The following NCAPG2 variants were observed in gnomAD, a reference collection of about 807,000 sequenced individuals.
NCAPG2 encodes condensin-2 complex subunit G2.
In NCAPG2, 53 loss-of-function variants were observed where a neutral mutation model predicts 141.1. That is an observed-to-expected ratio of 0.38 (90% confidence interval 0.30 to 0.47). The LOEUF (loss-of-function observed/expected upper bound fraction) is 0.47, where lower values mean the gene tolerates loss of function less well. Ranked by LOEUF, NCAPG2 falls within the 20% of genes least tolerant of loss-of-function variation. The pLI is 0.99. For synonymous variants in NCAPG2, 499 were observed against 490.7 expected (o/e 1.02, Z -0.22); for missense variants, 1,087 against 1,389.0 (o/e 0.78, Z 3.46).
chr7:158,680,834 G>C lies in NCAPG2; in HGVS notation c.925-18C>G. ...CTCAGAACCTAAGGACCAAAAAAAG[G>C]AAAAGGAAGGCATTAACAAAAAAAT... On this transcript the variant is annotated intron_variant, in intron 9 of 27. Transcript: ENST00000356309. 6.6e-7 allele frequency: 1 copy of C among 1,521,048 alleles called. No homozygotes were observed. The highest frequency in any genetic ancestry group is 8.9e-7 in the Non-Finnish European group (1 of 1,119,520). 94.2% of individuals were successfully genotyped at this position (1,521,048 alleles called of 1,614,324 possible). A position where few individuals can be genotyped will look rare whatever the true frequency, so the allele number is the denominator to read the frequency against.
intron 12 of NCAPG2, 79 bp downstream of exon 12, chr7:158,675,398 T>G: frequency 7.5e-7 from 1 of 1,327,040 alleles, no homozygotes; most frequent in Non-Finnish European, 1.0e-6. Flanking sequence ...ACAGGTATTA[T>G]TTTAATCTTT....
In NCAPG2 at chr7:158,672,491, C is replaced by T. The variant is rs186257286; in HGVS notation, c.1327-825G>A. 4.8e-3 allele frequency among the ~76,000 whole-genome samples: 725 copies of T among 150,682 alleles called. 43 individuals carry two copies. The East Asian group carries it at 0.11, about 24-fold the overall frequency. On this transcript the variant is annotated intron_variant, in intron 12 of 27. Transcript: ENST00000356309. Reference sequence around the variant, plus strand: ...CCAAGTAGCTGAGACTACAGGCGCCCGCCACCACGCCTGGCTAATTTTTGT... The same window carrying T: ...CCAAGTAGCTGAGACTACAGGCGCCTGCCACCACGCCTGGCTAATTTTTGT...
In NCAPG2 at chr7:158,652,412, G is replaced by C. The variant is rs566969254; in HGVS notation, c.2815C>G (p.Gln939Glu). The change falls in exon 23 of 28, where the codon CAG becomes GAG. Residue 939 changes from glutamine (Q) to glutamate (E), a missense_variant. Physicochemically the swap from Gln to Glu is conservative, Grantham distance 29 (BLOSUM62 2). Coordinates refer to ENST00000356309, the MANE Select transcript of NCAPG2 (RefSeq NM_017760.7). ...ACTTCTTCATCTGAATCTGTTTTCT[G>C]AATCAAGGAACTTCCAGTTATCTCT... ...LKEITGSSLIQKTDSDEEVAM... is the reference protein window; with the variant it reads ...LKEITGSSLIEKTDSDEEVAM... 2.9e-4 allele frequency: 471 copies of C among 1,613,430 alleles called. 4 individuals are homozygous for C. The South Asian group carries it at 4.8e-3, about 16-fold the overall frequency.
intron 4 of NCAPG2, 92 bp downstream of exon 4, chr7:158,692,749 AT>A: frequency 3.2e-6 from 3 of 927,030 alleles, no homozygotes; most frequent in South Asian, 1.5e-5. Context: ...CTCAAAAAAA[AT>A]AAATAAATGA....
At chr7:158,659,222 G>T (rs1168589125) in intron 16 of NCAPG2, among the ~76,000 whole-genome samples, 1 of 150,708 alleles carries the variant, frequency 6.6e-6, no homozygotes, top group East Asian at 2.0e-4. Flanking sequence ...CCAACTACTC[G>T]GAAGGCTGGG....
intron 11 of NCAPG2, among the ~76,000 whole-genome samples, chr7:158,679,160 T>C (rs76587633): frequency 0.071 from 10,753 of 152,306 alleles, 545 homozygotes; most frequent in Middle Eastern, 0.15. Context: ...AGGCCTATTA[T>C]ACTATTACTT....
intron 24 of NCAPG2, among the ~76,000 whole-genome samples, chr7:158,648,617 GACAACCACGCCAAATGGACC>G (rs1563504377): frequency 5.9e-5 from 2 of 34,068 alleles, no homozygotes; most frequent in African/African-American, 2.3e-4. Flanking sequence ...CCAAATGGAC[GACAACCACGCCAAATGGACC>G]ACAACCACGC....
In NCAPG2 at chr7:158,652,289, G is replaced by A; in HGVS notation, c.2934+4C>T. 13 of 1,612,184 alleles carry A rather than the reference G, an allele frequency of 8.1e-6. No individual in the cohort carries two copies. Among genetic ancestry groups the A allele is most frequent in the Non-Finnish European group, 1.1e-5 (13 of 1,179,606 alleles). ...CGAACCCCGTCCTGGGGAGTTCTGA[G>A]TACCCGCAGGCCTTCTTCCGGCTGC... On this transcript the variant is annotated splice_donor_region_variant and intron_variant, in intron 23 of 27. Transcript: ENST00000356309.
rs180681062 is a variant in NCAPG2 at position 158,637,137 on chromosome 7, C to T, written c.3381-5420G>A. Reference sequence around the variant, plus strand: ...TAATTTTTTATATTTTTAGTAGAGACGGGGTTTCACCGTGTTAGCCAGGAT... The same window carrying T: ...TAATTTTTTATATTTTTAGTAGAGATGGGGTTTCACCGTGTTAGCCAGGAT... On this transcript the variant is annotated intron_variant, in intron 27 of 27. Coordinates refer to ENST00000356309, the MANE Select transcript of NCAPG2 (RefSeq NM_017760.7). Among the ~76,000 whole-genome samples the T allele has an allele frequency of 2.5e-3, 380 of 152,076 alleles. 4 individuals carry two copies. The highest frequency in any genetic ancestry group is 6.5e-3 in the African/African-American group (270 of 41,492).
chr7:158,641,916 GACT>G, intron 27 of NCAPG2, among the ~76,000 whole-genome samples: 2 of 152,310 alleles, frequency 1.3e-5, no homozygotes, highest in South Asian at 2.1e-4. Context: ...GACGTCTACA[GACT>G]ACTTCCTCCA....
At chr7:158,662,024 A>G (rs1286073838) in intron 16 of NCAPG2, among the ~76,000 whole-genome samples, 170 bp downstream of exon 16, 3 of 152,238 alleles carry the variant, frequency 2.0e-5, no homozygotes, top group Admixed American at 1.3e-4. Flanking sequence ...TCCACCCTCA[A>G]GAGGGGCAAC....
chr7:158,684,113 C>A (rs1452538447), intron 8 of NCAPG2, among the ~76,000 whole-genome samples: 1 of 152,224 alleles, frequency 6.6e-6, no homozygotes, highest in Admixed American at 6.5e-5. Flanking sequence ...AGTTCCTCTT[C>A]CCCATTATAT....
chr7:158,656,401 G>C lies in NCAPG2; in HGVS notation c.2247C>G (p.Ile749Met). Residue 749 changes from isoleucine to methionine, a missense_variant, in exon 19 of 28, where the codon ATC (isoleucine) becomes ATG (methionine). By Grantham distance (10) the Ile-to-Met change is conservative. Transcript: ENST00000356309. ...CAGGTTTGACTGGGCGTGTGTCATGGATCTGCACCCTACCTTTAGAAGCTG... is the reference window on the plus strand; with the variant it reads ...CAGGTTTGACTGGGCGTGTGTCATGCATCTGCACCCTACCTTTAGAAGCTG... ...SNTASKGRVQ[I>M]HDTRPVKPEL... 1 of 1,614,170 alleles carries C rather than the reference G, an allele frequency of 6.2e-7. No homozygotes were observed. Among genetic ancestry groups the C allele is most frequent in the Non-Finnish European group, 8.5e-7 (1 of 1,180,042 alleles).
intron 10 of NCAPG2, 106 bp from the exon 11 acceptor site, chr7:158,680,191 A>G (rs1332980254): frequency 7.9e-7 from 1 of 1,258,444 alleles, no homozygotes; most frequent in African/African-American, 1.5e-5. Flanking sequence ...ATACAGATTT[A>G]TTTTCAAATT....
chr7:158,646,436 G>T, intron 25 of NCAPG2, 24 bp downstream of exon 25: 1 of 1,549,294 alleles, frequency 6.5e-7, no homozygotes, highest in Non-Finnish European at 8.8e-7. Flanking sequence ...GAGCATTTCA[G>T]GACAGTAAAG....
chr7:158,680,687 T>C, intron 10 of NCAPG2, 34 bp downstream of exon 10: 1 of 1,395,220 alleles, frequency 7.2e-7, no homozygotes. Flanking sequence ...AAGTAGTACA[T>C]TCCAAACACG....
At chr7:158,636,402 C>CTTTTTTTTTT (rs59810481) in intron 27 of NCAPG2, among the ~76,000 whole-genome samples, 1 of 135,790 alleles carries the variant, frequency 7.4e-6, no homozygotes, top group Non-Finnish European at 1.6e-5. Context: ...TTCTTTTTTT[C>CTTTTTTTTTT]TTTTTTTTTT....
intron 5 of NCAPG2, among the ~76,000 whole-genome samples, 160 bp from the exon 6 acceptor site, chr7:158,690,113 C>T (rs1780431394): frequency 6.6e-6 from 1 of 151,996 alleles, no homozygotes; most frequent in African/African-American, 2.4e-5. Flanking sequence ...TTTGCAAATG[C>T]CCCCTATAGC....
In NCAPG2 at chr7:158,652,493, T is replaced by C. The variant is rs771989095; in HGVS notation, c.2747-13A>G. ...AAAAATCCCTTCACTAGAAAGAAAATTGGAATATATCAGTTTTCTAATCAC... is the reference window on the plus strand; with the variant it reads ...AAAAATCCCTTCACTAGAAAGAAAACTGGAATATATCAGTTTTCTAATCAC... On this transcript the variant is annotated splice_polypyrimidine_tract_variant and intron_variant, in intron 22 of 27. Transcript: ENST00000356309. The C allele has an allele frequency of 6.4e-7, 1 of 1,559,204 alleles. No individual in the cohort carries two copies. The highest frequency in any genetic ancestry group is 1.8e-5 in the Admixed American group (1 of 54,122).
Sources: gnomAD v4.1 joint callset for allele counts (sites outside exome capture counted in the v4.1 genomes callset) on GRCh38, gnomAD v4.1.1 for gene constraint, MANE v1.5 for transcripts, NCBI Gene and HGNC (gene_info 2026-07-23, HGNC 2026-07-21) for gene names.